BRAF: variants seen among roughly 807,000 people sequenced by gnomAD.
BRAF encodes the protein B-Raf proto-oncogene, serine/threonine kinase, also known as serine/threonine-protein kinase B-raf.
In BRAF, 16 loss-of-function variants were observed where a neutral mutation model predicts 104.6. The ratio of observed to expected loss-of-function variants is 0.15; its 90% CI spans 0.10 to 0.23. BRAF has a LOEUF of 0.23. Ranked by LOEUF, BRAF falls within the 10% of genes least tolerant of loss-of-function variation. The pLI is 1.00. For missense variants in BRAF, 541 were observed against 937.3 expected, an observed-to-expected ratio of 0.58 and a Z score of 5.52; for synonymous variants, 310 against 341.6, an observed-to-expected ratio of 0.91 and a Z score of 1.02.
intron 12 of BRAF, chr7:140,781,370 T>C: frequency 1.7e-6 from 1 of 573,120 alleles, no homozygotes; most frequent in Non-Finnish European, 3.1e-6. Context: ...ATTACTGTAA[T>C]AAAATGGTAG....
chr7:140,846,762 A>G (rs905741868), intron 2 of BRAF, among the ~76,000 whole-genome samples: 3 of 152,162 alleles, frequency 2.0e-5, no homozygotes, highest in African/African-American at 7.2e-5. Context: ...GGTGGGTCTC[A>G]GTGAGTAATC....
intron 1 of BRAF, among the ~76,000 whole-genome samples, chr7:140,918,502 G>C (rs963823261): frequency 6.6e-6 from 1 of 152,162 alleles, no homozygotes; most frequent in African/African-American, 2.4e-5. Flanking sequence ...CGGACTGGTA[G>C]ATACGAGGCT....
chr7:140,791,817 T>G (rs1009350997), intron 8 of BRAF, among the ~76,000 whole-genome samples: 1 of 152,204 alleles, frequency 6.6e-6, no homozygotes, highest in African/African-American at 2.4e-5. Flanking sequence ...CCTGGCATTA[T>G]CCTCTACTTC....
chr7:140,827,318 G>A (rs897502325), intron 3 of BRAF, among the ~76,000 whole-genome samples: 8 of 152,156 alleles, frequency 5.3e-5, no homozygotes, highest in Non-Finnish European at 1.0e-4. Context: ...ACCTAGACGG[G>A]CTGAGGGAGG....
chr7:140,897,204 T>C (rs972325917), intron 1 of BRAF, among the ~76,000 whole-genome samples: 6 of 151,710 alleles, frequency 4.0e-5, no homozygotes, highest in Non-Finnish European at 8.8e-5. Flanking sequence ...ACCAAAGATA[T>C]AAAGTAGTAA....
chr7:140,779,129 C>T (rs1437490344), intron 12 of BRAF, among the ~76,000 whole-genome samples: 1 of 152,248 alleles, frequency 6.6e-6, no homozygotes, highest in East Asian at 1.9e-4. Context: ...AGAGTACACA[C>T]TATGCACTTC....
At chr7:140,714,115 C>T in the BRAF span, among the ~76,000 whole-genome samples, 1 of 152,072 alleles carries the variant, frequency 6.6e-6, no homozygotes, top group African/African-American at 2.4e-5. Context: ...CTGGGAGAAC[C>T]ACTACTCTCT....
intron 6 of BRAF, 198 bp downstream of exon 6, chr7:140,801,214 T>C (rs991943792): frequency 8.4e-6 from 5 of 597,700 alleles, no homozygotes; most frequent in Non-Finnish European, 1.5e-5. Context: ...ATTAACTGTA[T>C]AGCTGAACCA....
At chr7:140,881,841 C>A (rs1032832967) in intron 1 of BRAF, among the ~76,000 whole-genome samples, 1 of 152,152 alleles carries the variant, frequency 6.6e-6, no homozygotes, top group African/African-American at 2.4e-5. Context: ...GTCAGTGGAG[C>A]AGTTAGATCA....
chr7:140,893,304 C>T (rs1007960793), intron 1 of BRAF, among the ~76,000 whole-genome samples: 1 of 150,542 alleles, frequency 6.6e-6, no homozygotes, highest in Non-Finnish European at 1.5e-5. Context: ...GGCTGGAGTG[C>T]AGTGGCGCGA....
At chr7:140,879,878 C>A (rs1057439068) in intron 1 of BRAF, among the ~76,000 whole-genome samples, 3 of 151,864 alleles carry the variant, frequency 2.0e-5, no homozygotes. Flanking sequence ...ATTACAGGTG[C>A]GTGCCACCAC....
intron 3 of BRAF, chr7:140,824,493 C>T (rs1805799395): frequency 6.6e-6 from 1 of 152,140 alleles, no homozygotes; most frequent in Non-Finnish European, 1.5e-5. Context: ...CATCTGTCTG[C>T]ATGCCAGTAC....
rs1412432466 is a variant in BRAF, at chr7:140,720,235, T to C, written c.*6259A>G. On this transcript the variant is annotated 3_prime_UTR_variant, in exon 20 of 20. Transcript: ENST00000644969. Reference sequence around the variant, plus strand: ...AACAAATGAGATTACCACAAATACATATCACTGTGATACAGTCCTCAAAAA... The same window carrying C: ...AACAAATGAGATTACCACAAATACACATCACTGTGATACAGTCCTCAAAAA... The C allele has an allele frequency of 1.3e-5, 14 of 1,062,518 alleles. No individual in the cohort carries two copies. Among genetic ancestry groups the C allele is most frequent in the African/African-American group, 1.6e-5 (1 of 60,894 alleles). The allele number at this position is 1,062,518 out of a possible 1,614,324, so 65.8% of individuals were successfully genotyped here.
chr7:140,749,266 C>T (rs1368685964), intron 17 of BRAF, 21 bp downstream of exon 16: 1 of 1,610,030 alleles, frequency 6.2e-7, no homozygotes, highest in African/African-American at 1.3e-5. Flanking sequence ...AAATAAACAC[C>T]AAGACGTGGT....
chr7:140,871,627 C>T (rs1472946155), intron 1 of BRAF, among the ~76,000 whole-genome samples: 1 of 152,018 alleles, frequency 6.6e-6, no homozygotes, highest in Non-Finnish European at 1.5e-5. Flanking sequence ...AAAAAACAGA[C>T]ATGCAATTGA....
chr7:140,798,470 C>T (rs1451785935), intron 7 of BRAF, among the ~76,000 whole-genome samples: 1 of 150,922 alleles, frequency 6.6e-6, no homozygotes, highest in Non-Finnish European at 1.5e-5. Context: ...CTGTGTTAGC[C>T]AGGATGGTCA....
At chr7:140,837,044 T>C (rs779865508) in intron 2 of BRAF, among the ~76,000 whole-genome samples, 6 of 152,220 alleles carry the variant, frequency 3.9e-5, no homozygotes, top group Non-Finnish European at 7.4e-5. Flanking sequence ...TCACCACATC[T>C]ATCAATAGCT....
intron 1 of BRAF, among the ~76,000 whole-genome samples, chr7:140,890,516 C>T (rs1814099986): frequency 6.6e-6 from 1 of 152,106 alleles, no homozygotes; most frequent in Non-Finnish European, 1.5e-5. Context: ...GCTAAAACTC[C>T]CTACTCCTTT....
chr7:140,834,421 C>T, intron 3 of BRAF, 188 bp downstream of exon 3: 1 of 820,866 alleles, frequency 1.2e-6, no homozygotes, highest in Non-Finnish European at 1.9e-6. Flanking sequence ...AGAGACAATA[C>T]CATTTATTTC....
Sources: gnomAD v4.1 joint callset for allele counts (sites outside exome capture counted in the v4.1 genomes callset) on GRCh38, gnomAD v4.1.1 for gene constraint, MANE v1.5 for transcripts, NCBI Gene and HGNC (gene_info 2026-07-23, HGNC 2026-07-21) for gene names.